Variants in SCOC observed in about 807,000 individuals in gnomAD.
SCOC encodes the protein short coiled coil protein.
SCOC carries 7 observed loss-of-function variants against 9.9 expected under a neutral mutation model. The ratio of observed to expected loss-of-function variants is 0.71; its 90% CI spans 0.40 to 1.33. The LOEUF is 1.33. Ranked by LOEUF, SCOC falls within the 40% of genes most tolerant of loss-of-function variation. The pLI is 0.01. For missense variants in SCOC, 66 were observed against 89.7 expected, an observed-to-expected ratio of 0.74 and a Z score of 1.07; for synonymous variants, 19 against 28.2, an observed-to-expected ratio of 0.67 and a Z score of 1.03.
chr4:140,379,223 C>T, intron 2 of SCOC, 31 bp downstream of exon 2: 1 of 1,425,948 alleles, frequency 7.0e-7, no homozygotes, highest in Non-Finnish European at 9.9e-7. Context: ...TTTGTATACT[C>T]CTGGTTTTGT....
At chr4:140,351,846 G>T (rs147201205) in intron 2 of SCOC, among the ~76,000 whole-genome samples, 143 of 152,242 alleles carry the variant, frequency 9.4e-4, no homozygotes, top group African/African-American at 3.4e-3. Context: ...AAATAGACTT[G>T]TGGCTCCCCA....
At chr4:140,313,543 T>C (rs1732216980) in intron 1 of SCOC, among the ~76,000 whole-genome samples, 1 of 152,180 alleles carries the variant, frequency 6.6e-6, no homozygotes, top group South Asian at 2.1e-4. Context: ...TGAACGACTG[T>C]GCCCGGCGGA....
chr4:140,313,662 C>T (rs1732222552), intron 1 of SCOC, among the ~76,000 whole-genome samples: 1 of 152,090 alleles, frequency 6.6e-6, no homozygotes, highest in South Asian at 2.1e-4. Flanking sequence ...ATAGAGGTCT[C>T]GGACCTAAGA....
chr4:140,325,358 A>G (rs1732614855), intron 1 of SCOC, among the ~76,000 whole-genome samples: 1 of 152,130 alleles, frequency 6.6e-6, no homozygotes, highest in African/African-American at 2.4e-5. Context: ...GATGCAGTTG[A>G]GAAAATAAAA....
At position 140,373,970 on chromosome 4, in the gene SCOC, G is replaced by A. The variant is rs897863181; in HGVS notation, c.-51+253G>A. On this transcript the variant is annotated intron_variant, in intron 1 of 3. Transcript: ENST00000608372. ...GTTCTTTGGGAGAGGGACCTCTCGC[G>A]GTCCCTGACGCAGACATCGTGTAGC... 1.1e-4 allele frequency: 75 copies of A among 660,854 alleles called. No individual in the cohort carries two copies. The East Asian group carries it at 1.9e-3, about 17-fold the overall frequency. The allele number at this position is 660,854 out of a possible 1,614,324, so 40.9% of individuals were successfully genotyped here.
At chr4:140,309,564 A>G (rs1234293724) in intron 1 of SCOC, among the ~76,000 whole-genome samples, 2 of 152,206 alleles carry the variant, frequency 1.3e-5, no homozygotes, top group Non-Finnish European at 2.9e-5. Context: ...TTTGTGGACA[A>G]GCACAGTACC....
intron 2 of SCOC, among the ~76,000 whole-genome samples, chr4:140,362,310 T>TCTTCTTCCTTCCTC (rs1727591942): frequency 3.7e-5 from 3 of 81,384 alleles, no homozygotes; most frequent in Non-Finnish European, 8.3e-5. Flanking sequence ...TTTTTTTTTT[T>TCTTCTTCCTTCCTC]TTTTTGTGAG....
intron 1 of SCOC, among the ~76,000 whole-genome samples, chr4:140,295,558 G>A (rs2126442220): frequency 6.6e-6 from 1 of 152,320 alleles, no homozygotes; most frequent in East Asian, 1.9e-4. Flanking sequence ...GAACAGCAAG[G>A]AGAGAAGTGA....
intron 1 of SCOC, among the ~76,000 whole-genome samples, chr4:140,312,605 T>A (rs972197125): frequency 3.3e-5 from 5 of 152,082 alleles, no homozygotes; most frequent in Non-Finnish European, 1.5e-5. Context: ...TAAAAAAATA[T>A]ATTTTTGTAG....
chr4:140,343,659 G>C (rs778733008), exon 2 of SCOC: 2 of 1,613,422 alleles, frequency 1.2e-6, no homozygotes, highest in Non-Finnish European at 1.7e-6. Flanking sequence ...CCAGGAAAGA[G>C]GAGGAGGAAG....
rs561103813 is a variant in SCOC, at chr4:140,336,547, G to A, written c.-18-7074G>A. ...TTGAGGTTTATCTAAGTTTTAGCAC[G>A]TATCAGTACTTTGTTCTTATTTACT... On this transcript the variant is annotated intron_variant, in intron 1 of 4. Coordinates refer to the SCOC transcript ENST00000394205. 2.4e-4 allele frequency among the ~76,000 whole-genome samples: 36 copies of A among 152,206 alleles called. No individual in the cohort carries two copies. In the East Asian group the frequency reaches 6.0e-3, roughly 25 times the overall value.
chr4:140,267,517 T>C (rs150786993), intron 1 of SCOC, among the ~76,000 whole-genome samples: 2 of 152,274 alleles, frequency 1.3e-5, no homozygotes, highest in Non-Finnish European at 2.9e-5. Context: ...CTGACCCTTG[T>C]AGGTTGCTTT....
chr4:140,381,156 A>T lies in SCOC; in HGVS notation c.*52A>T. ...AATTGCTGCTGATCATTTTTTCTTT[A>T]AAACTTGGATAGATTCCAAAAGTTA... On this transcript the variant is annotated 3_prime_UTR_variant, in exon 4 of 4. Transcript: ENST00000608372. 6.5e-7 allele frequency: 1 copy of T among 1,531,578 alleles called. No individual in the cohort carries two copies. 94.9% of individuals were successfully genotyped at this position (1,531,578 alleles called of 1,614,324 possible).
intron 1 of SCOC, among the ~76,000 whole-genome samples, chr4:140,378,488 A>C (rs1423647711): frequency 6.6e-6 from 1 of 152,152 alleles, no homozygotes; most frequent in Non-Finnish European, 1.5e-5. Context: ...AACTGTACTC[A>C]GGAGGCTGAG....
At chr4:140,301,790 G>A (rs1560691087) in intron 1 of SCOC, among the ~76,000 whole-genome samples, 1 of 152,048 alleles carries the variant, frequency 6.6e-6, no homozygotes. Flanking sequence ...CTTTTTCTGA[G>A]GATTTATGTT....
intron 1 of SCOC, among the ~76,000 whole-genome samples, chr4:140,297,775 C>T (rs891865229): frequency 6.6e-6 from 1 of 152,094 alleles, no homozygotes; most frequent in Non-Finnish European, 1.5e-5. Context: ...CACAGAGGTG[C>T]AGGAGACAGT....
intron 2 of SCOC, among the ~76,000 whole-genome samples, chr4:140,367,099 G>A (rs1042755491): frequency 2.0e-5 from 3 of 151,852 alleles, no homozygotes; most frequent in African/African-American, 4.8e-5. Context: ...CCAGTTGCTC[G>A]GGAGGCTGAG....
upstream of SCOC, among the ~76,000 whole-genome samples, chr4:140,372,516 C>A (rs1728098889): frequency 6.6e-6 from 1 of 152,128 alleles, no homozygotes; most frequent in African/African-American, 2.4e-5. Context: ...TCTTTTTTGG[C>A]ACTCCTATTA....
At chr4:140,309,760 C>T (rs920989225) in intron 1 of SCOC, among the ~76,000 whole-genome samples, 2 of 152,150 alleles carry the variant, frequency 1.3e-5, no homozygotes, top group African/African-American at 4.8e-5. Flanking sequence ...AAGAGAGTTA[C>T]TCTGAAGTGC....
Sources: gnomAD v4.1 joint callset for allele counts (sites outside exome capture counted in the v4.1 genomes callset) on GRCh38, gnomAD v4.1.1 for gene constraint, MANE v1.5 for transcripts, NCBI Gene and HGNC (gene_info 2026-07-23, HGNC 2026-07-21) for gene names.